Variants in NEK9 observed in about 807,000 individuals in gnomAD.
NEK9 encodes serine/threonine-protein kinase Nek9.
In NEK9, 75 loss-of-function variants were observed where a neutral mutation model predicts 123.4. The observed-to-expected ratio is 0.61, with a 90% CI of 0.50 to 0.74. The LOEUF (loss-of-function observed/expected upper bound fraction) is 0.74, where lower values mean the gene tolerates loss of function less well. NEK9 is among the 30% of genes least tolerant of loss of function. NEK9 has a pLI of 0.00. For missense variants in NEK9, 952 were observed against 1,214.4 expected (o/e 0.78, Z 3.21); for synonymous variants, 438 against 458.7 (o/e 0.95, Z 0.58).
chr14:75,111,145 C>A (rs1411005493), intron 8 of NEK9, among the ~76,000 whole-genome samples: 2 of 152,116 alleles, frequency 1.3e-5, no homozygotes, highest in African/African-American at 4.8e-5. Flanking sequence ...GATGTGATAC[C>A]CACTCTATCT....
chr14:75,122,857 C>T (rs1434858608), intron 2 of NEK9, among the ~76,000 whole-genome samples: 1 of 127,078 alleles, frequency 7.9e-6, no homozygotes, highest in Admixed American at 9.4e-5. Context: ...GTGCAGCGGT[C>T]TGAGCTCACA....
At position 75,080,539 on chromosome 14, in the gene NEK9, T is replaced by C. The variant is rs1339772914; in HGVS notation, c.*4025A>G. ...AAATGTTTAGTGCAAGTAAACATTA[T>C]AAAGTTCATAAGGTTACACCATAGG... On this transcript the variant is annotated 3_prime_UTR_variant, in exon 22 of 22. Coordinates refer to ENST00000238616, the MANE Select transcript of NEK9 (RefSeq NM_033116.6). 6.6e-6 allele frequency: 1 copy of C among 152,104 alleles called. No individual in the cohort carries two copies. Among genetic ancestry groups the C allele is most frequent in the African/African-American group, 2.4e-5 (1 of 41,418 alleles). 9.4% of individuals were successfully genotyped at this position (152,104 alleles called of 1,614,324 possible). A position where few individuals can be genotyped will look rare whatever the true frequency, so the allele number is the denominator to read the frequency against.
chr14:75,097,377 C>G (rs1894425190), intron 16 of NEK9, 107 bp from the exon 17 acceptor site: 1 of 924,762 alleles, frequency 1.1e-6, no homozygotes, highest in African/African-American at 1.7e-5. Context: ...CCACTATGTA[C>G]TAAACAAGGG....
intron 20 of NEK9, 146 bp from the exon 21 acceptor site, chr14:75,087,376 A>G (rs1894063443): frequency 1.6e-6 from 1 of 619,556 alleles, no homozygotes; most frequent in Non-Finnish European, 2.8e-6. Flanking sequence ...CGAGAAACAG[A>G]AATGCTAGGA....
intron 2 of NEK9, among the ~76,000 whole-genome samples, chr14:75,121,983 C>T (rs1306044159): frequency 6.6e-6 from 1 of 152,224 alleles, no homozygotes; most frequent in African/African-American, 2.4e-5. Flanking sequence ...TTAGGGTCTA[C>T]CCCTAGACTG....
rs762317463 is a variant in NEK9 at position 75,084,053 on chromosome 14, G to A, written c.*511C>T. 20 of 156,146 alleles carry A rather than the reference G, an allele frequency of 1.3e-4. No homozygotes were observed. Among genetic ancestry groups the A allele is most frequent in the Admixed American group, 2.5e-4 (4 of 16,192 alleles). 9.7% of individuals were successfully genotyped at this position (156,146 alleles called of 1,614,324 possible). On this transcript the variant is annotated 3_prime_UTR_variant, in exon 22 of 22. Transcript: ENST00000238616. ...TCAGACATATTTTCCTGGACTCAGG[G>A]CTCCCAAGAGGGCCAGACTACTTCA...
intron 16 of NEK9, among the ~76,000 whole-genome samples, chr14:75,099,432 G>A (rs1056007495): frequency 6.6e-5 from 10 of 151,990 alleles, no homozygotes; most frequent in Non-Finnish European, 1.2e-4. Context: ...AGAAAAAAGA[G>A]GAAAAAAGCA....
Position 75,101,715 on chromosome 14 carries a change from C to A in NEK9, c.1782G>T (p.Leu594Phe). The A allele has an allele frequency of 6.2e-7, 1 of 1,614,074 alleles. No homozygotes were observed. The change falls in exon 15 of 22, where the codon TTG (leucine) becomes TTT (phenylalanine). Residue 594 changes from leucine (L) to phenylalanine (F), a missense_variant. By Grantham distance (22) the Leu-to-Phe change is conservative. This residue lies in a region of NEK9 where 698 missense variants were observed against 875.6 expected (regional missense o/e 0.80). Coordinates refer to ENST00000238616, the MANE Select transcript of NEK9 (RefSeq NM_033116.6). ...YTTSFTLAKQ[L>F]SFYKIRTIAP... The stretch of plus-strand genomic sequence containing the variant: ...CAATGGTACGGATCTTATAAAAGGA[C>A]AACTGTTTGGCCAAGGTAAAGGACG...
rs1594843308 is a variant in NEK9 at position 75,110,470 on chromosome 14, A to G, written c.939-99T>C. On this transcript the variant is annotated intron_variant, in intron 8 of 21. Coordinates refer to ENST00000238616, the MANE Select transcript of NEK9 (RefSeq NM_033116.6). The stretch of plus-strand genomic sequence containing the variant: ...TTTCACAGATTTAATCCTCTTATAA[A>G]CTGTATGCATCCTACAACATCACAA... 6 of 883,852 alleles carry G rather than the reference A, an allele frequency of 6.8e-6. No homozygotes were observed. In the East Asian group the frequency reaches 1.5e-4, roughly 22 times the overall value. The allele number at this position is 883,852 out of a possible 1,614,324, so 54.8% of individuals were successfully genotyped here. A position where few individuals can be genotyped will look rare whatever the true frequency, so the allele number is the denominator to read the frequency against.
chr14:75,111,261 C>T (rs1208165569), intron 8 of NEK9, among the ~76,000 whole-genome samples: 2 of 152,152 alleles, frequency 1.3e-5, no homozygotes, highest in East Asian at 3.9e-4. Context: ...CACGTTCTAG[C>T]CCAGGGCTGT....
chr14:75,122,757 T>C (rs1027131473), intron 2 of NEK9, among the ~76,000 whole-genome samples: 11 of 150,908 alleles, frequency 7.3e-5, no homozygotes, highest in Non-Finnish European at 1.6e-4. Flanking sequence ...TCCCAAAGTG[T>C]TGGGATTACA....
chr14:75,100,454 A>AAAAC, intron 16 of NEK9, among the ~76,000 whole-genome samples: 1 of 152,336 alleles, frequency 6.6e-6, no homozygotes, highest in Non-Finnish European at 1.5e-5. Context: ...TTCAAAAAAC[A>AAAAC]AAACAAACAA....
intron 5 of NEK9, 44 bp downstream of exon 5, chr14:75,118,786 G>A: frequency 9.0e-7 from 1 of 1,107,106 alleles, no homozygotes; most frequent in Non-Finnish European, 1.4e-6. Flanking sequence ...ATATTTCACA[G>A]TGCTAGAAAA....
intron 4 of NEK9, among the ~76,000 whole-genome samples, chr14:75,119,951 AG>A (rs1419830283): frequency 6.6e-6 from 1 of 152,254 alleles, no homozygotes; most frequent in Non-Finnish European, 1.5e-5. Flanking sequence ...CAATAAAAAA[AG>A]AAATCTTAGT....
At position 75,107,380 on chromosome 14, in the gene NEK9, C is replaced by G; in HGVS notation, c.1290G>C (p.Gln430His). 1 of 1,614,010 alleles carries G rather than the reference C, an allele frequency of 6.2e-7. No individual in the cohort carries two copies. Residue 430 changes from glutamine (Q) to histidine (H), a missense_variant, in exon 11 of 22, where the codon CAG becomes CAC. Gln to His is a conservative substitution (Grantham distance 24, BLOSUM62 0). This residue lies in a region of NEK9 where 698 missense variants were observed against 875.6 expected (regional missense o/e 0.80). Coordinates refer to ENST00000238616, the MANE Select transcript of NEK9 (RefSeq NM_033116.6). ...VEKLQGKAIR[Q>H]VSCGDDFTVC... ...CAGTGAAATCATCACCACATGACACCTGACGGATAGCTTTGCCTTGCAACT... is the reference window on the plus strand; with the variant it reads ...CAGTGAAATCATCACCACATGACACGTGACGGATAGCTTTGCCTTGCAACT...
chr14:75,091,746 T>C (rs561396929), intron 18 of NEK9: 1 of 342,204 alleles, frequency 2.9e-6, no homozygotes, highest in Non-Finnish European at 5.2e-6. Flanking sequence ...CCATAGCAGG[T>C]TATCAATATT....
At position 75,084,469 on chromosome 14, in the gene NEK9, T is replaced by C; in HGVS notation, c.*95A>G. ...CTGCCTTGCGCTCCTTTTCTGCAAG[T>C]GAACAAAGCCAGGAAAGCTGCTCTC... On this transcript the variant is annotated 3_prime_UTR_variant, in exon 22 of 22. Coordinates refer to ENST00000238616, the MANE Select transcript of NEK9 (RefSeq NM_033116.6). 6.7e-7 allele frequency: 1 copy of C among 1,498,392 alleles called. No individual in the cohort carries two copies. Among genetic ancestry groups the C allele is most frequent in the Non-Finnish European group, 9.1e-7 (1 of 1,094,212 alleles). 92.8% of individuals were successfully genotyped at this position (1,498,392 alleles called of 1,614,324 possible). A position where few individuals can be genotyped will look rare whatever the true frequency, so the allele number is the denominator to read the frequency against.
intron 18 of NEK9, among the ~76,000 whole-genome samples, chr14:75,093,953 T>C (rs77881085): frequency 0.013 from 1,974 of 152,288 alleles, 23 homozygotes; most frequent in Non-Finnish European, 0.021. Flanking sequence ...AATTGATAAA[T>C]AAAAAAGACA....
chr14:75,119,796 T>C (rs1895263863), intron 4 of NEK9, among the ~76,000 whole-genome samples: 1 of 152,242 alleles, frequency 6.6e-6, no homozygotes, highest in African/African-American at 2.4e-5. Flanking sequence ...AAAATAACTG[T>C]GCCTGGTTCA....
Sources: allele counts gnomAD v4.1 joint callset (sites outside exome capture counted in the v4.1 genomes callset), GRCh38; gene constraint gnomAD v4.1.1; regional missense constraint gnomAD v4.1.1; transcripts MANE v1.5; gene names NCBI Gene and HGNC (gene_info 2026-07-23, HGNC 2026-07-21).